CCSER1: variants seen among roughly 807,000 people sequenced by gnomAD.
CCSER1 encodes the protein coiled-coil serine rich protein 1, also known as serine-rich coiled-coil domain-containing protein 1.
Under a neutral mutation model 82.0 loss-of-function variants are expected in CCSER1, and 41 were observed. The observed-to-expected ratio is 0.50, with a 90% CI of 0.39 to 0.65. The LOEUF is 0.65. CCSER1 is among the 30% of genes least tolerant of loss of function. CCSER1 has a pLI of 0.00. For missense variants in CCSER1, 1,119 were observed against 1,064.2 expected (o/e 1.05, Z -0.72); for synonymous variants, 414 against 383.9 (o/e 1.08, Z -0.92).
chr4:90,490,385 T>A (rs1057458493), intron 5 of CCSER1, among the ~76,000 whole-genome samples: 6 of 152,220 alleles, frequency 3.9e-5, no homozygotes, highest in Non-Finnish European at 7.3e-5. Flanking sequence ...TTTTTTCTTG[T>A]AAATTTGTTT....
chr4:91,443,489 A>G (rs950431458), intron 10 of CCSER1, among the ~76,000 whole-genome samples: 1 of 113,574 alleles, frequency 8.8e-6, no homozygotes, highest in Non-Finnish European at 1.7e-5. Flanking sequence ...GGAACATCAC[A>G]CTCTGGGGAC....
intron 3 of CCSER1, among the ~76,000 whole-genome samples, chr4:90,398,199 T>A (rs1399264842): frequency 1.3e-5 from 2 of 152,284 alleles, no homozygotes; most frequent in South Asian, 2.1e-4. Context: ...TCTATTCTTA[T>A]AAGAACACCA....
intron 1 of CCSER1, among the ~76,000 whole-genome samples, chr4:90,305,199 A>ATT (rs1734040191): frequency 1.3e-5 from 2 of 152,196 alleles, no homozygotes; most frequent in Non-Finnish European, 2.9e-5. Flanking sequence ...TACAGGCGTG[A>ATT]GCCACCGCGC....
chr4:91,567,807 C>T (rs1249133570), intron 10 of CCSER1, among the ~76,000 whole-genome samples: 1 of 152,004 alleles, frequency 6.6e-6, no homozygotes, highest in Non-Finnish European at 1.5e-5. Flanking sequence ...CTGAGTCTTG[C>T]TTTCATACAC....
intron 9 of CCSER1, among the ~76,000 whole-genome samples, chr4:91,055,217 A>G (rs982744837): frequency 1.3e-5 from 2 of 152,094 alleles, no homozygotes; most frequent in African/African-American, 4.8e-5. Context: ...AAACTTATAA[A>G]ACTCTAATTT....
intron 9 of CCSER1, among the ~76,000 whole-genome samples, chr4:91,054,736 G>T (rs1743298457): frequency 6.6e-6 from 1 of 151,906 alleles, no homozygotes; most frequent in Non-Finnish European, 1.5e-5. Context: ...GGTGGGGGTG[G>T]ATTTGGAAGT....
chr4:91,358,429 A>G (rs930799964), intron 10 of CCSER1, among the ~76,000 whole-genome samples: 1 of 132,726 alleles, frequency 7.5e-6, no homozygotes, highest in Non-Finnish European at 1.5e-5. Flanking sequence ...AAAATACCAC[A>G]CTCACACCAC....
chr4:90,655,485 A>G (rs1391253106), intron 6 of CCSER1, among the ~76,000 whole-genome samples: 5 of 151,856 alleles, frequency 3.3e-5, no homozygotes, highest in Non-Finnish European at 1.5e-5. Context: ...CTATTTTCTA[A>G]CCTGTTATCT....
chr4:90,386,039 TC>T (rs1749986573), intron 3 of CCSER1, among the ~76,000 whole-genome samples: 1 of 152,208 alleles, frequency 6.6e-6, no homozygotes, highest in Admixed American at 6.5e-5. Context: ...CATCTCATTC[TC>T]ATGGATTAGA....
rs529976166 is a variant in CCSER1, at chr4:91,011,015, C to G, written c.2173-74935C>G. ...GTTTTTTGTGTCTCCATGTTGATGT[C>G]TGAATCAGGTCTGGAAATTACTTCT... On this transcript the variant is annotated intron_variant, in intron 9 of 10. Coordinates refer to ENST00000509176, the MANE Select transcript of CCSER1 (RefSeq NM_001145065.2). 7.4e-5 allele frequency among the ~76,000 whole-genome samples: 10 copies of G among 134,540 alleles called. 2 individuals are homozygous for G. The South Asian group carries it at 2.4e-3, about 32-fold the overall frequency. The allele number at this position is 134,540 out of a possible 152,430, so 88.3% of individuals were successfully genotyped here. A position where few individuals can be genotyped will look rare whatever the true frequency, so the allele number is the denominator to read the frequency against.
chr4:91,142,011 G>A (rs530671285), intron 10 of CCSER1, among the ~76,000 whole-genome samples: 4 of 152,112 alleles, frequency 2.6e-5, no homozygotes, highest in East Asian at 3.9e-4. Context: ...TTAGACCTTT[G>A]TCAGATTCAA....
chr4:91,457,877 C>T lies in CCSER1; in HGVS notation c.2218-140695C>T, dbSNP rs1336365767. Among the ~76,000 whole-genome samples the T allele has an allele frequency of 5.9e-5, 9 of 152,068 alleles. No homozygotes were observed. The East Asian group carries it at 1.7e-3, about 29-fold the overall frequency. On this transcript the variant is annotated intron_variant, in intron 10 of 10. Coordinates refer to ENST00000509176, the MANE Select transcript of CCSER1 (RefSeq NM_001145065.2). The stretch of plus-strand genomic sequence containing the variant: ...TTAATTCATAAGTTCTTTGAAATAG[C>T]TAAACTGAAATTTGATATGAAATTA...
intron 8 of CCSER1, among the ~76,000 whole-genome samples, chr4:90,870,435 G>A (rs889523942): frequency 1.3e-5 from 2 of 151,502 alleles, no homozygotes; most frequent in African/African-American, 4.8e-5. Context: ...TTCTTTTTCC[G>A]TGTCAGTTGA....
At chr4:91,437,580 C>T (rs1021562966) in intron 10 of CCSER1, among the ~76,000 whole-genome samples, 4 of 152,178 alleles carry the variant, frequency 2.6e-5, no homozygotes, top group Admixed American at 1.3e-4. Context: ...TCTGCATTTC[C>T]ATCTGAGGTA....
At chr4:91,409,695 C>A (rs1005434390) in intron 10 of CCSER1, among the ~76,000 whole-genome samples, 2 of 151,792 alleles carry the variant, frequency 1.3e-5, no homozygotes, top group Non-Finnish European at 2.9e-5. Context: ...TTTCTTTTTT[C>A]TTTTTTTCTT....
At chr4:90,129,255 AT>A (rs1222591898) in intron 1 of CCSER1, among the ~76,000 whole-genome samples, 4 of 151,980 alleles carry the variant, frequency 2.6e-5, no homozygotes, top group Admixed American at 2.0e-4. Context: ...GGGGTCAGTT[AT>A]CACTGGTTCC....
Position 90,445,954 on chromosome 4 carries a change from G to C in CCSER1, c.1604-22280G>C, listed in dbSNP as rs142681885. The stretch of plus-strand genomic sequence containing the variant: ...CATTTGTTTATGAATTGAGAACATT[G>C]GTCCAACAGGATGAAATACCAACAA... On this transcript the variant is annotated intron_variant, in intron 4 of 10. Coordinates refer to ENST00000509176, the MANE Select transcript of CCSER1 (RefSeq NM_001145065.2). Among the ~76,000 whole-genome samples, 804 of 152,190 alleles carry C rather than the reference G, an allele frequency of 5.3e-3. 3 individuals carry two copies. The highest frequency in any genetic ancestry group is 7.0e-3 in the Non-Finnish European group (475 of 67,978).
At chr4:90,589,745 CT>C (rs1289028803) in intron 5 of CCSER1, among the ~76,000 whole-genome samples, 1 of 152,054 alleles carries the variant, frequency 6.6e-6, no homozygotes, top group Non-Finnish European at 1.5e-5. Flanking sequence ...AAGTTGTTTA[CT>C]TTTGCAGAAG....
intron 10 of CCSER1, among the ~76,000 whole-genome samples, chr4:91,540,749 T>C (rs1560749003): frequency 6.6e-6 from 1 of 152,150 alleles, no homozygotes; most frequent in Non-Finnish European, 1.5e-5. Flanking sequence ...TCTAAATTTA[T>C]TTGTTTTTGC....
Sources: allele counts gnomAD v4.1 joint callset (sites outside exome capture counted in the v4.1 genomes callset), GRCh38; gene constraint gnomAD v4.1.1; transcripts MANE v1.5; gene names NCBI Gene and HGNC (gene_info 2026-07-23, HGNC 2026-07-21).